The following NACAD variants were observed in gnomAD, a reference collection of about 807,000 sequenced individuals.
NACAD encodes the protein NAC alpha domain containing.
NACAD carries 47 observed loss-of-function variants against 98.9 expected under a neutral mutation model. The ratio of observed to expected loss-of-function variants is 0.48; its 90% CI spans 0.38 to 0.61. NACAD has a LOEUF of 0.61. Among genes scored for constraint, NACAD ranks in the 20% least tolerant of loss-of-function variants. The pLI is 0.00. For missense variants in NACAD, 1,412 were observed against 1,748.2 expected (o/e 0.81, Z 3.43); for synonymous variants, 696 against 767.2 (o/e 0.91, Z 1.53).
rs1428738893 is a variant in NACAD at position 45,084,248 on chromosome 7, C to T, written c.1932G>A (p.Pro644=). The part of the protein sequence containing the change: ...LTLPQDSVMT[P]PLPLQDTELS... The stretch of plus-strand genomic sequence containing the variant: ...GTTCTGTGTCTTGTAGGGGCAGAGG[C>T]GGTGTCATAACGGAGTCCTGGGGTA... Residue 644 remains proline (P), a synonymous_variant, in exon 2 of 8, where the codon CCG becomes CCA. Transcript: ENST00000490531. 3.0e-5 allele frequency: 41 copies of T among 1,344,630 alleles called. 4 individuals are homozygous for T. The Admixed American group carries it at 4.4e-4, about 15-fold the overall frequency. The allele number at this position is 1,344,630 out of a possible 1,614,324, so 83.3% of individuals were successfully genotyped here. A position where few individuals can be genotyped will look rare whatever the true frequency, so the allele number is the denominator to read the frequency against.
Position 45,088,718 on chromosome 7 carries a change from G to A in NACAD, c.67+110C>T. ...AGGGCGCGGAAAGGGGAGGGGACTC[G>A]AGGGGGGCCAGGGGGATGGGGGAGA... is the stretch of plus-strand genomic sequence containing the variant. On this transcript the variant is annotated intron_variant, in intron 1 of 7. Coordinates refer to ENST00000490531, the MANE Select transcript of NACAD (RefSeq NM_001146334.2). The surrounding 1 kb of genome is among the most constrained non-coding windows in gnomAD (Gnocchi z 5.7). 2 of 898,876 alleles carry A rather than the reference G, an allele frequency of 2.2e-6. No homozygotes were observed. The highest frequency in any genetic ancestry group is 1.7e-5 in the African/African-American group (1 of 57,570). 55.7% of individuals were successfully genotyped at this position (898,876 alleles called of 1,614,324 possible).
Position 45,082,434 on chromosome 7 carries a change from CAGG to C in NACAD, c.3743_3745del (p.Pro1248_Cys1249delinsArg). The C allele has an allele frequency of 6.5e-7, 1 of 1,548,550 alleles. No homozygotes were observed. Among genetic ancestry groups the C allele is most frequent in the Non-Finnish European group, 8.7e-7 (1 of 1,146,360 alleles). ...GTCTTCCTGGGGGTCCTGGCACAGG[CAGG>C]GGGCTGGGGGCTCCAGTGGGGGTAG... On this transcript the variant is annotated inframe_deletion, in exon 2 of 8. Coordinates refer to ENST00000490531, the MANE Select transcript of NACAD (RefSeq NM_001146334.2). This position sits in a 1 kb window ranked among gnomAD's most constrained non-coding sequence, Gnocchi z 4.5.
In NACAD at chr7:45,083,218, T is replaced by C. The variant is rs1339608669; in HGVS notation, c.2962A>G (p.Thr988Ala). The C allele has an allele frequency of 9.7e-6, 15 of 1,550,756 alleles. No individual in the cohort carries two copies. Among genetic ancestry groups the C allele is most frequent in the African/African-American group, 5.5e-5 (4 of 73,070 alleles). The change falls in exon 2 of 8, where the codon ACA becomes GCA. Residue 988 changes from threonine (T) to alanine (A), a missense_variant. Physicochemically the swap from Thr to Ala is moderately conservative, Grantham distance 58 (BLOSUM62 0). Coordinates refer to ENST00000490531, the MANE Select transcript of NACAD (RefSeq NM_001146334.2). ...TCCAAGGCTGCAGGCTCCGGGACTG[T>C]AGGGAGGGCTGCATTCTTCTCCTCA... ...APEEKNAALP[T>A]VPEPAALDQV... is the part of the protein sequence containing the mutation.
Position 45,084,444 on chromosome 7 carries a change from G to A in NACAD, c.1736C>T (p.Pro579Leu). 4 of 1,552,016 alleles carry A rather than the reference G, an allele frequency of 2.6e-6. No individual in the cohort carries two copies. The South Asian group carries it at 4.8e-5, about 18-fold the overall frequency. ...GGGGACAATCGTGGCTGCAGCTACAGGCTTTCTGCCAGAGGGGAGGTCCAG... is the reference window on the plus strand; with the variant it reads ...GGGGACAATCGTGGCTGCAGCTACAAGCTTTCTGCCAGAGGGGAGGTCCAG... ...GGLDLPSGRK[P>L]VAAATIVPRQ... Residue 579 changes from proline to leucine, a missense_variant, in exon 2 of 8, where the codon CCT (proline) becomes CTT (leucine). Pro to Leu is a moderately conservative substitution (Grantham distance 98). Around this residue, in one of 5 missense-constraint regions of NACAD, gnomAD observed 72 missense variants for 198.0 expected, o/e 0.36. Coordinates refer to ENST00000490531, the MANE Select transcript of NACAD (RefSeq NM_001146334.2).
In NACAD at chr7:45,086,037, C is replaced by CAGAGCACAGGG. The variant is rs1784517976; in HGVS notation, c.142_143insCCCTGTGCTCT (p.Gly48AlafsTer77). 6.5e-6 allele frequency: 10 copies of CAGAGCACAGGG among 1,535,612 alleles called. No homozygotes were observed. Among genetic ancestry groups the CAGAGCACAGGG allele is most frequent in the Non-Finnish European group, 7.0e-6 (8 of 1,146,360 alleles). ...GAACGTGAGGGCCAGGTGGCTGGGC[C>CAGAGCACAGGG]CTGGGGTCAGAGCACAGGGCTCCCG... On this transcript the variant is annotated frameshift_variant, in exon 2 of 8. Transcript: ENST00000490531. LOFTEE classifies it high-confidence loss of function.
At position 45,080,952 on chromosome 7, in the gene NACAD, G is replaced by GCTGAGGGCT; in HGVS notation, c.4466_4474dup (p.Glu1489_Ser1491dup). The stretch of plus-strand genomic sequence containing the variant: ...CCTGGGTGCTGACTCAGGGACCAAG[G>GCTGAGGGCT]CTGAGGGCTCTGAGGGCACCTTAAA... On this transcript the variant is annotated inframe_insertion, in exon 6 of 8. Transcript: ENST00000490531. 1 of 1,552,248 alleles carries GCTGAGGGCT rather than the reference G, an allele frequency of 6.4e-7. No individual in the cohort carries two copies. The highest frequency in any genetic ancestry group is 8.7e-7 in the Non-Finnish European group (1 of 1,147,306).
rs1490104127 is a variant in NACAD at position 45,081,610 on chromosome 7, C to T, written c.4248G>A (p.Lys1416=). The part of the protein sequence containing the change: ...AKAKQSRSEK[K]ARKAMSKLGL... ...GGAGCCACCAGCCCACCTTTCGGGCCTTCTTCTCACTGCGACTCTGCTTGG... is the reference window on the plus strand; with the variant it reads ...GGAGCCACCAGCCCACCTTTCGGGCTTTCTTCTCACTGCGACTCTGCTTGG... Residue 1416 remains lysine, a synonymous_variant, in exon 4 of 8, where the codon AAG becomes AAA. Coordinates refer to ENST00000490531, the MANE Select transcript of NACAD (RefSeq NM_001146334.2). 18 of 1,551,416 alleles carry T rather than the reference C, an allele frequency of 1.2e-5. No individual in the cohort carries two copies. The South Asian group carries it at 2.0e-4, about 17-fold the overall frequency.
At position 45,082,650 on chromosome 7, in the gene NACAD, G is replaced by T; in HGVS notation, c.3530C>A (p.Pro1177Gln). The T allele has an allele frequency of 6.6e-7, 1 of 1,509,602 alleles. No individual in the cohort carries two copies. The highest frequency in any genetic ancestry group is 1.3e-5 in the South Asian group (1 of 77,626). The allele number at this position is 1,509,602 out of a possible 1,614,324, so 93.5% of individuals were successfully genotyped here. A position where few individuals can be genotyped will look rare whatever the true frequency, so the allele number is the denominator to read the frequency against. ...TACAGGCTCCGGCTGCTGGGAGGTTGGTGCAGACGTGGGGGCAGGCGCGTC... is the reference window on the plus strand; with the variant it reads ...TACAGGCTCCGGCTGCTGGGAGGTTTGTGCAGACGTGGGGGCAGGCGCGTC... The part of the protein sequence containing the change: ...CPDAPAPTSA[P>Q]TSQQPEPVLG... Residue 1177 changes from proline to glutamine, a missense_variant, in exon 2 of 8, where the codon CCA becomes CAA. Pro to Gln is a moderately conservative substitution (Grantham distance 76, BLOSUM62 -1). Transcript: ENST00000490531. This position sits in a 1 kb window ranked among gnomAD's most constrained non-coding sequence, Gnocchi z 4.5.
chr7:45,082,162 G>A lies in NACAD; in HGVS notation c.4018C>T (p.Pro1340Ser). 6.7e-7 allele frequency: 1 copy of A among 1,503,626 alleles called. No homozygotes were observed. Among genetic ancestry groups the A allele is most frequent in the Non-Finnish European group, 8.9e-7 (1 of 1,124,094 alleles). 93.1% of individuals were successfully genotyped at this position (1,503,626 alleles called of 1,614,324 possible). The change falls in exon 2 of 8, where the codon CCT becomes TCT. Residue 1340 changes from proline to serine, a missense_variant. Transcript: ENST00000490531. The surrounding 1 kb of genome is among the most constrained non-coding windows in gnomAD (Gnocchi z 4.5). ...TGCTCGGGGGCTGAGAGCCCTTGAG[G>A]GCCAGCTGGGCTCTGGGGCCCAGAG... ...PPSGPQSPAG[P>S]QGLSAPEQQE...
At position 45,083,244 on chromosome 7, in the gene NACAD, G is replaced by C; in HGVS notation, c.2936C>G (p.Pro979Arg). 6.4e-7 allele frequency: 1 copy of C among 1,551,012 alleles called. No individual in the cohort carries two copies. Among genetic ancestry groups the C allele is most frequent in the Non-Finnish European group, 8.7e-7 (1 of 1,146,972 alleles). ...AGGGAGGGCTGCATTCTTCTCCTCA[G>C]GTGCTGGCCTGGGGCCTAAGGCCTC... ...VGEALGPRPA[P>R]EEKNAALPTV... The change falls in exon 2 of 8, where the codon CCT (proline) becomes CGT (arginine). Residue 979 changes from proline (P) to arginine (R), a missense_variant. Pro to Arg is a moderately radical substitution (Grantham distance 103). This residue lies in a region of NACAD where 572 missense variants were observed against 639.6 expected (regional missense o/e 0.89). Transcript: ENST00000490531.
chr7:45,081,479 T>C, intron 4 of NACAD, 122 bp downstream of exon 4: 4 of 1,337,386 alleles, frequency 3.0e-6, no homozygotes, highest in Non-Finnish European at 4.1e-6. Context: ...GTTACTGGCA[T>C]GGACCCAAAG....
At position 45,086,066 on chromosome 7, in the gene NACAD, GT is replaced by G; in HGVS notation, c.113del (p.Asp38AlafsTer8). On this transcript the variant is annotated frameshift_variant, in exon 2 of 8. Transcript: ENST00000490531. LOFTEE classifies it high-confidence loss of function. ...AAAATTILGG[D>X]RREPCALTPG... is the part of the protein sequence containing the mutation. The stretch of plus-strand genomic sequence containing the variant: ...GGGTCAGAGCACAGGGCTCCCGCCG[GT>G]CCCCTCCCAGGATGGTGGTGGCAGC... 2 of 1,536,190 alleles carry G rather than the reference GT, an allele frequency of 1.3e-6. No homozygotes were observed. The highest frequency in any genetic ancestry group is 1.7e-6 in the Non-Finnish European group (2 of 1,146,818).
At position 45,082,796 on chromosome 7, in the gene NACAD, G is replaced by A. The variant is rs1182576026; in HGVS notation, c.3384C>T (p.Gly1128=). The A allele has an allele frequency of 6.5e-7, 1 of 1,549,748 alleles. No individual in the cohort carries two copies. The highest frequency in any genetic ancestry group is 2.4e-5 in the East Asian group (1 of 40,894). ...GCTCCGGGGTGGACTTGCCACTCAG[G>A]CCTCTTTCCTCCCTGGCTGGGCTCA... The part of the protein sequence containing the change: ...RLLSPAREER[G]LSGKSTPEPT... Residue 1128 remains glycine, a synonymous_variant, in exon 2 of 8, where the codon GGC becomes GGT. Transcript: ENST00000490531. This position sits in a 1 kb window ranked among gnomAD's most constrained non-coding sequence, Gnocchi z 4.5.
At position 45,085,314 on chromosome 7, in the gene NACAD, C is replaced by T. The variant is rs1372431486; in HGVS notation, c.866G>A (p.Gly289Asp). 1.9e-6 allele frequency: 3 copies of T among 1,550,922 alleles called. No individual in the cohort carries two copies. The highest frequency in any genetic ancestry group is 2.6e-6 in the Non-Finnish European group (3 of 1,146,914). ...CAGGTCGAAGAAGTGGCCCTCCTGG[C>T]CCCAGGAGGAGCTGCTGTCTGCAGA... is the stretch of plus-strand genomic sequence containing the variant. ...SLSADSSSSW[G>D]QEGHFFDLDF... Residue 289 changes from glycine (G) to aspartate (D), a missense_variant, in exon 2 of 8, where the codon GGC becomes GAC. By Grantham distance (94) the Gly-to-Asp change is moderately conservative. Transcript: ENST00000490531. The surrounding 1 kb of genome is among the most constrained non-coding windows in gnomAD (Gnocchi z 6.1).
At position 45,088,961 on chromosome 7, in the gene NACAD, G is replaced by GCCGAGCCTGCGCGGCCACCGCCCCA. The variant is rs1381372992; in HGVS notation, c.-68_-67insTGGGGCGGTGGCCGCGCAGGCTCGG. On this transcript the variant is annotated 5_prime_UTR_variant, in exon 1 of 8. Coordinates refer to ENST00000490531, the MANE Select transcript of NACAD (RefSeq NM_001146334.2). This position sits in a 1 kb window ranked among gnomAD's most constrained non-coding sequence, Gnocchi z 5.7. The stretch of plus-strand genomic sequence containing the variant: ...CTCCGTCAGTCCGTGCCGCCGCCCC[G>GCCGAGCCTGCGCGGCCACCGCCCCA]CCGAGCCTGCGCGGCCACCGCCCCT... 4.9e-6 allele frequency: 6 copies of GCCGAGCCTGCGCGGCCACCGCCCCA among 1,227,790 alleles called. No homozygotes were observed. In the African/African-American group the frequency reaches 9.4e-5, roughly 19 times the overall value. 76.1% of individuals were successfully genotyped at this position (1,227,790 alleles called of 1,614,324 possible).
rs1345259659 is a variant in NACAD at position 45,088,758 on chromosome 7, G to A, written c.67+70C>T. 22 of 1,340,756 alleles carry A rather than the reference G, an allele frequency of 1.6e-5. No individual in the cohort carries two copies. The highest frequency in any genetic ancestry group is 1.0e-4 in the Admixed American group (4 of 39,104). 83.1% of individuals were successfully genotyped at this position (1,340,756 alleles called of 1,614,324 possible). A position where few individuals can be genotyped will look rare whatever the true frequency, so the allele number is the denominator to read the frequency against. On this transcript the variant is annotated intron_variant, in intron 1 of 7. Coordinates refer to ENST00000490531, the MANE Select transcript of NACAD (RefSeq NM_001146334.2). This position sits in a 1 kb window ranked among gnomAD's most constrained non-coding sequence, Gnocchi z 5.7. ...GATGGGGGAGAGGGGTGAAAGGTGAGCGATGGAAAGAGAACCCGGGCTGGA... is the reference window on the plus strand; with the variant it reads ...GATGGGGGAGAGGGGTGAAAGGTGAACGATGGAAAGAGAACCCGGGCTGGA...
rs1784421467 is a variant in NACAD, at chr7:45,081,009, G to C, written c.4418C>G (p.Ser1473Cys). The C allele has an allele frequency of 6.4e-7, 1 of 1,551,800 alleles. No individual in the cohort carries two copies. The highest frequency in any genetic ancestry group is 2.4e-5 in the East Asian group (1 of 40,928). The change falls in exon 6 of 8, where the codon TCC (serine) becomes TGC (cysteine). Residue 1473 changes from serine to cysteine, a missense_variant. Transcript: ENST00000490531. ...VFGEAKIEDL[S>C]QQVHKAAAEK... Reference sequence around the variant, plus strand: ...AGCTGCGGCTTTGTGCACTTGCTGGGACAGGTCCTCAATCTGCAAAATGGA... The same window carrying C: ...AGCTGCGGCTTTGTGCACTTGCTGGCACAGGTCCTCAATCTGCAAAATGGA...
Position 45,083,368 on chromosome 7 carries a change from C to T in NACAD, c.2812G>A (p.Glu938Lys). 1 of 1,551,428 alleles carries T rather than the reference C, an allele frequency of 6.4e-7. No homozygotes were observed. Among genetic ancestry groups the T allele is most frequent in the East Asian group, 2.4e-5 (1 of 40,934 alleles). The change falls in exon 2 of 8, where the codon GAG (glutamate) becomes AAG (lysine). Residue 938 changes from glutamate (E) to lysine (K), a missense_variant. Glu to Lys is a moderately conservative substitution (Grantham distance 56). Coordinates refer to ENST00000490531, the MANE Select transcript of NACAD (RefSeq NM_001146334.2). ...LQDTGPTSGP[E>K]PLAVATPQTL... The stretch of plus-strand genomic sequence containing the variant: ...TGAGGGGTGGCCACAGCCAGAGGCT[C>T]TGGACCTGAGGTGGGGCCTGTGTCT...
At position 45,083,376 on chromosome 7, in the gene NACAD, G is replaced by C. The variant is rs758481325; in HGVS notation, c.2804C>G (p.Ser935Ter). ...PLPLQDTGPT[S>*]GPEPLAVATP... Reference sequence around the variant, plus strand: ...GGCCACAGCCAGAGGCTCTGGACCTGAGGTGGGGCCTGTGTCTTGCAGAGG... The same window carrying C: ...GGCCACAGCCAGAGGCTCTGGACCTCAGGTGGGGCCTGTGTCTTGCAGAGG... The change falls in exon 2 of 8, where the codon TCA becomes TGA. Residue 935 changes from serine to a stop codon, truncating the protein, a stop_gained. Transcript: ENST00000490531. LOFTEE classifies it high-confidence loss of function. The C allele has an allele frequency of 6.4e-7, 1 of 1,551,410 alleles. No homozygotes were observed. The highest frequency in any genetic ancestry group is 1.2e-5 in the South Asian group (1 of 84,060).
Sources: gnomAD v4.1 joint callset for allele counts on GRCh38, gnomAD v4.1.1 for gene constraint, gnomAD v4.1.1 regional missense constraint, Gnocchi (gnomAD v3.1) non-coding constraint, MANE v1.5 for transcripts, NCBI Gene and HGNC (gene_info 2026-07-23, HGNC 2026-07-21) for gene names.